Variants in UBE2U observed in about 807,000 individuals in gnomAD.
The protein encoded by UBE2U is ubiquitin conjugating enzyme E2 U.
A neutral mutation model predicts 41.2 loss-of-function variants in UBE2U; 39 were observed. The ratio of observed to expected loss-of-function variants is 0.95; its 90% CI spans 0.73 to 1.24. UBE2U has a LOEUF of 1.24. UBE2U is among the 50% of genes most tolerant of loss of function. UBE2U has a pLI of 0.00. For missense variants in UBE2U, 336 were observed against 363.1 expected (o/e 0.93, Z 0.61); for synonymous variants, 107 against 117.8 (o/e 0.91, Z 0.60).
chr1:64,242,053 A>C (rs1458842958), intron 8 of UBE2U, among the ~76,000 whole-genome samples: 1 of 142,800 alleles, frequency 7.0e-6, no homozygotes, highest in Admixed American at 6.9e-5. Context: ...ACTTAGAAAT[A>C]GCTTTTTTTT....
chr1:64,206,922 A>G (rs1651333399), intron 3 of UBE2U, 66 bp downstream of exon 3: 3 of 935,408 alleles, frequency 3.2e-6, no homozygotes, highest in African/African-American at 1.7e-5. Flanking sequence ...TCTTATAATA[A>G]TCATGTTTCT....
At chr1:64,220,594 C>T (rs555562037) in intron 5 of UBE2U, among the ~76,000 whole-genome samples, 7 of 152,086 alleles carry the variant, frequency 4.6e-5, no homozygotes, top group African/African-American at 7.2e-5. Context: ...TTCTGAAGTG[C>T]GAATCCATTT....
chr1:64,222,016 G>GGCAGAGCT (rs1362674394), intron 6 of UBE2U, among the ~76,000 whole-genome samples: 1 of 149,980 alleles, frequency 6.7e-6, no homozygotes, highest in Non-Finnish European at 1.5e-5. Context: ...GAACCCAGGA[G>GGCAGAGCT]GCAGAGCTTG....
intron 9 of UBE2U, 129 bp from the exon 10 acceptor site, chr1:64,266,895 G>A: frequency 1.3e-6 from 1 of 773,422 alleles, no homozygotes; most frequent in South Asian, 2.0e-5. Context: ...TTTAGAAAGT[G>A]TATAAAAGGT....
chr1:64,239,443 A>C (rs1035015837), intron 7 of UBE2U, among the ~76,000 whole-genome samples: 3 of 151,798 alleles, frequency 2.0e-5, no homozygotes, highest in African/African-American at 7.3e-5. Flanking sequence ...ATATGCATAC[A>C]TTTGCCTGTT....
chr1:64,244,060 G>A (rs1644879024), intron 8 of UBE2U: 1 of 1,039,060 alleles, frequency 9.6e-7, no homozygotes. Context: ...CTGGTGCATG[G>A]CAAGCACTCA....
intron 8 of UBE2U, among the ~76,000 whole-genome samples, chr1:64,250,926 G>T (rs1644998726): frequency 7.4e-6 from 1 of 134,230 alleles, no homozygotes; most frequent in Non-Finnish European, 1.6e-5. Context: ...GGTGGGGGGA[G>T]GGGGGAGGTA....
At chr1:64,235,889 G>A (rs1294770622) in intron 7 of UBE2U, among the ~76,000 whole-genome samples, 1 of 152,038 alleles carries the variant, frequency 6.6e-6, no homozygotes, top group Non-Finnish European at 1.5e-5. Flanking sequence ...GTCGTGCACG[G>A]TGGTATATCA....
At chr1:64,233,990 A>G (rs1248561591) in intron 7 of UBE2U, among the ~76,000 whole-genome samples, 1 of 152,110 alleles carries the variant, frequency 6.6e-6, no homozygotes, top group Non-Finnish European at 1.5e-5. Context: ...TCCTAAGCAC[A>G]CTGCTGCCTC....
At chr1:64,254,103 G>A (rs1269241285) in intron 8 of UBE2U, among the ~76,000 whole-genome samples, 2 of 151,990 alleles carry the variant, frequency 1.3e-5, no homozygotes, top group Admixed American at 1.3e-4. Context: ...AAAAAGGCAG[G>A]GGTTGCAATC....
intron 3 of UBE2U, among the ~76,000 whole-genome samples, chr1:64,207,435 C>T (rs546554705): frequency 4.7e-4 from 72 of 152,296 alleles, no homozygotes; most frequent in African/African-American, 1.7e-3. Context: ...TGAACCACTG[C>T]GCCTGGCCTA....
chr1:64,260,710 CTATT>C lies in UBE2U; in HGVS notation c.769+18_769+21del. The C allele has an allele frequency of 6.5e-7, 1 of 1,537,626 alleles. No homozygotes were observed. The highest frequency in any genetic ancestry group is 1.4e-5 in the African/African-American group (1 of 72,682). ...CCAACTCTAAGTAAATCGATTCACT[CTATT>C]TGTTTTGCTTTTATAAATAACATAT... is the stretch of plus-strand genomic sequence containing the variant. On this transcript the variant is annotated intron_variant, in intron 9 of 9. Coordinates refer to ENST00000371077, the MANE Select transcript of UBE2U (RefSeq NM_001366232.2).
chr1:64,227,396 AAATT>A (rs1652945086), intron 6 of UBE2U, among the ~76,000 whole-genome samples: 1 of 152,240 alleles, frequency 6.6e-6, no homozygotes, highest in Non-Finnish European at 1.5e-5. Flanking sequence ...AAAAACTTGA[AAATT>A]AATTAGTGAA....
intron 6 of UBE2U, among the ~76,000 whole-genome samples, chr1:64,225,906 A>T (rs368021592): frequency 1.3e-5 from 2 of 152,230 alleles, no homozygotes; most frequent in Admixed American, 1.3e-4. Flanking sequence ...ACATTGCTGC[A>T]TATCTTGTTT....
intron 8 of UBE2U, among the ~76,000 whole-genome samples, chr1:64,255,393 G>A (rs918683412): frequency 1.1e-4 from 16 of 151,970 alleles, no homozygotes; most frequent in African/African-American, 3.9e-4. Flanking sequence ...AAATTGAAAA[G>A]AAGAGACTCC....
intron 1 of UBE2U, 54 bp from the exon 2 acceptor site, chr1:64,205,585 T>C: frequency 6.8e-7 from 1 of 1,473,968 alleles, no homozygotes; most frequent in Non-Finnish European, 9.3e-7. Flanking sequence ...TTTTCAAAAC[T>C]TCAATAAATA....
At chr1:64,233,507 T>C (rs1448575236) in intron 7 of UBE2U, among the ~76,000 whole-genome samples, 1 of 152,194 alleles carries the variant, frequency 6.6e-6, no homozygotes, top group African/African-American at 2.4e-5. Context: ...CCCAATCTTA[T>C]GAGGTTTACT....
intron 8 of UBE2U, among the ~76,000 whole-genome samples, chr1:64,246,252 A>G (rs1201133963): frequency 6.6e-6 from 1 of 152,168 alleles, no homozygotes; most frequent in Non-Finnish European, 1.5e-5. Flanking sequence ...TTAAGAGACT[A>G]ATACATATTT....
At chr1:64,206,431 G>T (rs1651299041) in intron 2 of UBE2U, among the ~76,000 whole-genome samples, 1 of 151,700 alleles carries the variant, frequency 6.6e-6, no homozygotes, top group South Asian at 2.1e-4. Flanking sequence ...AGAGTAAACA[G>T]CACAGCAAAG....
Sources: allele counts gnomAD v4.1 joint callset (sites outside exome capture counted in the v4.1 genomes callset), GRCh38; gene constraint gnomAD v4.1.1; transcripts MANE v1.5; gene names NCBI Gene and HGNC (gene_info 2026-07-23, HGNC 2026-07-21).